PIEZO1: variants seen among roughly 807,000 people sequenced by gnomAD.
PIEZO1 encodes the protein piezo type mechanosensitive ion channel component 1 (Er blood group).
Under a neutral mutation model 297.2 loss-of-function variants are expected in PIEZO1, and 296 were observed. The observed-to-expected ratio is 1.00, with a 90% CI of 0.91 to 1.10. The LOEUF (loss-of-function observed/expected upper bound fraction) is 1.10, where lower values mean the gene tolerates loss of function less well. Ranked by LOEUF, PIEZO1 falls within the 50% of genes least tolerant of loss-of-function variation. The pLI, the probability that PIEZO1 is intolerant of heterozygous loss-of-function variation, is 0.00. For synonymous variants in PIEZO1, 2,427 were observed against 1,507.5 expected (o/e 1.61, Z -14.13); for missense variants, 5,018 against 3,455.5 (o/e 1.45, Z -11.34).
intron 5 of PIEZO1, 32 bp from the exon 6 acceptor site, chr16:88,738,768 G>T: frequency 6.6e-7 from 1 of 1,511,656 alleles, no homozygotes; most frequent in Admixed American, 2.0e-5. Flanking sequence ...GCAAGGTCAG[G>T]TGTATCGCAC....
intron 1 of PIEZO1, among the ~76,000 whole-genome samples, chr16:88,756,036 A>G (rs1483246868): frequency 6.6e-6 from 1 of 152,222 alleles, no homozygotes. Context: ...GTGGCCCAGC[A>G]CTTGGGTCCA....
intron 1 of PIEZO1, among the ~76,000 whole-genome samples, chr16:88,766,077 C>T (rs372827354): frequency 1.6e-3 from 247 of 152,306 alleles, no homozygotes; most frequent in African/African-American, 5.6e-3. Flanking sequence ...GCGTGGGTGC[C>T]GTGGTCACGC....
Position 88,731,776 on chromosome 16 carries a change from G to A in PIEZO1, c.3126C>T (p.Cys1042=), listed in dbSNP as rs1228564887. 2 of 1,549,546 alleles carry A rather than the reference G, an allele frequency of 1.3e-6. No individual in the cohort carries two copies. The highest frequency in any genetic ancestry group is 1.4e-5 in the African/African-American group (1 of 72,826). ...QAIARLWPNY[C]LFLALFLLYQ... ...ACAGCAGGAACAGCGCCAGGAAGAGGCAGTAGTTGGGCCAGAGGCGGGCAA... is the reference window on the plus strand; with the variant it reads ...ACAGCAGGAACAGCGCCAGGAAGAGACAGTAGTTGGGCCAGAGGCGGGCAA... Residue 1042 remains cysteine, a synonymous_variant, in exon 22 of 51, where the codon TGC becomes TGT. Transcript: ENST00000301015.
At position 88,717,060 on chromosome 16, in the gene PIEZO1, A is replaced by G. The variant is rs770537411; in HGVS notation, c.6623T>C (p.Ile2208Thr). ...CAGCTTCAGGGTGACGGTGACATCG[A>G]TGGGCTGGTTGACAACCCCAACCAC... ...RSVVGVVNQP[I>T]DVTVTLKLGG... Residue 2208 changes from isoleucine to threonine, a missense_variant, in exon 45 of 51, where the codon ATC (isoleucine) becomes ACC (threonine). Coordinates refer to ENST00000301015, the MANE Select transcript of PIEZO1 (RefSeq NM_001142864.4). 1 of 1,550,860 alleles carries G rather than the reference A, an allele frequency of 6.4e-7. No homozygotes were observed. The highest frequency in any genetic ancestry group is 1.2e-5 in the South Asian group (1 of 84,064).
At position 88,723,739 on chromosome 16, in the gene PIEZO1, G is replaced by T. The variant is rs8056374; in HGVS notation, c.4335+132C>A. ...GGGACTTGGGAGGCCTGGATGGGGC[G>T]GGGTGGGCTAACTGGAGGTGGAGGA... On this transcript the variant is annotated intron_variant, in intron 31 of 50. Transcript: ENST00000301015. 0.88 allele frequency: 548,123 copies of T among 622,680 alleles called. 242,022 individuals are homozygous for T. The highest frequency in any genetic ancestry group is 0.97 in the African/African-American group (53,220 of 54,594). 38.6% of individuals were successfully genotyped at this position (622,680 alleles called of 1,614,324 possible).
intron 2 of PIEZO1, among the ~76,000 whole-genome samples, chr16:88,748,535 C>G (rs1446309908): frequency 6.6e-6 from 1 of 151,960 alleles, no homozygotes; most frequent in African/African-American, 2.4e-5. Flanking sequence ...GAGGTCCAAC[C>G]CCACAGCGGG....
At position 88,721,274 on chromosome 16, in the gene PIEZO1, T is replaced by C; in HGVS notation, c.5560A>G (p.Thr1854Ala). 2 of 1,544,038 alleles carry C rather than the reference T, an allele frequency of 1.3e-6. No individual in the cohort carries two copies. Among genetic ancestry groups the C allele is most frequent in the Admixed American group, 3.9e-5 (2 of 50,962 alleles). Residue 1854 changes from threonine to alanine, a missense_variant, in exon 39 of 51, where the codon ACC becomes GCC. By Grantham distance (58) the Thr-to-Ala change is moderately conservative (BLOSUM62 0). Transcript: ENST00000301015. The stretch of plus-strand genomic sequence containing the variant: ...CTGAGCTCCACTTGGGGTTCTGGGG[T>C]CCCGTCCGTGGGTCCGACCCTGGCT... The part of the protein sequence containing the change: ...VEARVGPTDG[T>A]PEPQVELRPR...
chr16:88,764,197 G>C (rs66510357), intron 1 of PIEZO1, among the ~76,000 whole-genome samples: 91,860 of 151,358 alleles, frequency 0.61, 29,181 homozygotes, highest in African/African-American at 0.81. Flanking sequence ...GGGTACGAAA[G>C]GGGATGTGCC....
intron 10 of PIEZO1, chr16:88,737,282 G>A: frequency 2.4e-6 from 1 of 408,352 alleles, no homozygotes; most frequent in South Asian, 2.6e-5. Context: ...GAGGGGTTGG[G>A]GGACCTGGAG....
chr16:88,725,369 A>G (rs1161549521), intron 29 of PIEZO1, 47 bp downstream of exon 29: 3 of 1,141,520 alleles, frequency 2.6e-6, no homozygotes, highest in East Asian at 2.6e-5. Flanking sequence ...GCAGGCACAG[A>G]CATGCTGGAC....
At position 88,715,695 on chromosome 16, in the gene PIEZO1, C is replaced by A; in HGVS notation, c.7476G>T (p.Glu2492Asp). 6.4e-7 allele frequency: 1 copy of A among 1,550,422 alleles called. No individual in the cohort carries two copies. The change falls in exon 51 of 51, where the codon GAG (glutamate) becomes GAT (aspartate). Residue 2492 changes from glutamate (E) to aspartate (D), a missense_variant. Physicochemically the swap from Glu to Asp is conservative, Grantham distance 45. Coordinates refer to ENST00000301015, the MANE Select transcript of PIEZO1 (RefSeq NM_001142864.4). ...CGTACAACTCCTCCTCCAGCTCCAG[C>A]TCCCGAGTCTCCCGCACCAGGAAGA... ...QDIFLVRETRELELEEELYAK... is the reference protein window; with the variant it reads ...QDIFLVRETRDLELEEELYAK...
chr16:88,734,810 G>A lies in PIEZO1; in HGVS notation c.1849-12C>T. The A allele has an allele frequency of 6.5e-7, 1 of 1,550,272 alleles. No individual in the cohort carries two copies. The highest frequency in any genetic ancestry group is 2.4e-5 in the East Asian group (1 of 40,914). ...AGGCTGTAGTAGACCTGCCGGGTGA[G>A]GTGGGGGTGGTGAGGACCGCGGGGA... On this transcript the variant is annotated splice_polypyrimidine_tract_variant and intron_variant, in intron 14 of 50. Coordinates refer to ENST00000301015, the MANE Select transcript of PIEZO1 (RefSeq NM_001142864.4).
Position 88,742,040 on chromosome 16 carries a change from G to C in PIEZO1, c.326+13C>G. ...GGAGGCTTGCTGGTTGGGGGTGGGA[G>C]GAATGGTCTTACCTTGTGACCCCTA... On this transcript the variant is annotated intron_variant, in intron 4 of 50. Transcript: ENST00000301015. The C allele has an allele frequency of 6.5e-7, 1 of 1,535,884 alleles. No individual in the cohort carries two copies. The highest frequency in any genetic ancestry group is 8.7e-7 in the Non-Finnish European group (1 of 1,146,576).
chr16:88,736,132 G>C lies in PIEZO1; in HGVS notation c.1557+16C>G, dbSNP rs734918. 324,001 of 1,532,022 alleles carry C rather than the reference G, an allele frequency of 0.21. 38,520 individuals are homozygous for C. Among genetic ancestry groups the C allele is most frequent in the East Asian group, 0.56 (22,623 of 40,466 alleles). The allele number at this position is 1,532,022 out of a possible 1,614,324, so 94.9% of individuals were successfully genotyped here. The stretch of plus-strand genomic sequence containing the variant: ...TGCGCACCCAGGCACCCCCGGATGT[G>C]GTGGTGCACACTCACCATGGCACCA... On this transcript the variant is annotated intron_variant, in intron 12 of 50. Coordinates refer to ENST00000301015, the MANE Select transcript of PIEZO1 (RefSeq NM_001142864.4).
chr16:88,727,471 CTG>C (rs886783869), intron 23 of PIEZO1, 84 bp downstream of exon 23: 1 of 657,744 alleles, frequency 1.5e-6, no homozygotes, highest in East Asian at 2.8e-5. Context: ...CCGTGCACGC[CTG>C]TGTGCACACT....
At chr16:88,753,141 C>T (rs1457032636) in intron 1 of PIEZO1, among the ~76,000 whole-genome samples, 1 of 96,376 alleles carries the variant, frequency 1.0e-5, no homozygotes, top group Non-Finnish European at 2.1e-5. Flanking sequence ...GCACCCCTGC[C>T]CCCCCAGAGC....
Position 88,723,210 on chromosome 16 carries a change from A to G in PIEZO1, c.4438+16T>C, listed in dbSNP as rs1161779547. 1.4e-5 allele frequency: 22 copies of G among 1,548,274 alleles called. No homozygotes were observed. Among genetic ancestry groups the G allele is most frequent in the Non-Finnish European group, 1.9e-5 (22 of 1,146,796 alleles). ...CCCGCGGCTTCCCCTCAGAGTCCCC[A>G]CGCCCCCCAGCTCACCTGTGGGTAG... is the stretch of plus-strand genomic sequence containing the variant. On this transcript the variant is annotated intron_variant, in intron 32 of 50. Coordinates refer to ENST00000301015, the MANE Select transcript of PIEZO1 (RefSeq NM_001142864.4).
chr16:88,763,723 A>G (rs899553013), intron 1 of PIEZO1, among the ~76,000 whole-genome samples: 3 of 152,188 alleles, frequency 2.0e-5, no homozygotes, highest in African/African-American at 4.8e-5. Flanking sequence ...ATGGACCACA[A>G]TGATTACATT....
In PIEZO1 at chr16:88,736,151, G is replaced by A. The variant is rs976156002; in HGVS notation, c.1554C>T (p.Ala518=). Reference sequence around the variant, plus strand: ...GGATGTGGTGGTGCACACTCACCATGGCACCAAGGTCCAGACAGGGGTAGC... The same window carrying A: ...GGATGTGGTGGTGCACACTCACCATAGCACCAAGGTCCAGACAGGGGTAGC... ...HTRYPCLDLG[A]MLLYTLTFWL... Residue 518 remains alanine (A), a synonymous_variant, in exon 12 of 51, where the codon GCC becomes GCT. Transcript: ENST00000301015. 34 of 1,543,820 alleles carry A rather than the reference G, an allele frequency of 2.2e-5. No individual in the cohort carries two copies. Among genetic ancestry groups the A allele is most frequent in the Non-Finnish European group, 2.8e-5 (32 of 1,143,330 alleles).
Sources: allele counts gnomAD v4.1 joint callset (sites outside exome capture counted in the v4.1 genomes callset), GRCh38; gene constraint gnomAD v4.1.1; transcripts MANE v1.5; gene names NCBI Gene and HGNC (gene_info 2026-07-23, HGNC 2026-07-21).